TNPO1: variants seen among roughly 807,000 people sequenced by gnomAD.
TNPO1 encodes transportin-1.
A neutral mutation model predicts 119.5 loss-of-function variants in TNPO1; 8 were observed. The ratio of observed to expected loss-of-function variants is 0.07; its 90% CI spans 0.04 to 0.12. The LOEUF (loss-of-function observed/expected upper bound fraction) is 0.12, where lower values mean the gene tolerates loss of function less well. Among genes scored for constraint, TNPO1 ranks in the 10% least tolerant of loss-of-function variants. The probability of loss-of-function intolerance (pLI) is 1.00; values close to 1 mark genes in which losing one functional copy is unlikely to be tolerated. For missense variants in TNPO1, 576 were observed against 1,089.8 expected (o/e 0.53, Z 6.64); for synonymous variants, 362 against 363.0 (o/e 1.00, Z 0.03).
At chr5:72,877,094 CAAAAAAA>C (rs35883847) in intron 8 of TNPO1, 127 bp from the exon 9 acceptor site, 71 of 235,138 alleles carry the variant, frequency 3.0e-4, no homozygotes, top group South Asian at 8.3e-4. Flanking sequence ...GACTGCATCT[CAAAAAAA>C]AAAAAAAAAA....
intron 6 of TNPO1, chr5:72,871,713 T>G (rs1747419516): frequency 1.3e-5 from 2 of 152,184 alleles, no homozygotes; most frequent in South Asian, 2.1e-4. Context: ...AAGTGAGAAG[T>G]CTCTGGAATT....
At chr5:72,869,266 G>A (rs1312254772) in intron 6 of TNPO1, among the ~76,000 whole-genome samples, 1 of 152,090 alleles carries the variant, frequency 6.6e-6, no homozygotes, top group African/African-American at 2.4e-5. Flanking sequence ...ATAATAAATG[G>A]CAGGGCGTAG....
intron 10 of TNPO1, 126 bp downstream of exon 10, chr5:72,882,653 A>G (rs903388314): frequency 3.2e-6 from 2 of 629,398 alleles, no homozygotes; most frequent in Non-Finnish European, 5.5e-6. Flanking sequence ...ATTATCCATA[A>G]TAGGATAGAA....
rs982979025 is a variant in TNPO1 at position 72,832,656 on chromosome 5, T to C, written c.16-15729T>C. Among the ~76,000 whole-genome samples, 6 of 152,292 alleles carry C rather than the reference T, an allele frequency of 3.9e-5. No individual in the cohort carries two copies. The South Asian group carries it at 1.2e-3, about 32-fold the overall frequency. On this transcript the variant is annotated intron_variant, in intron 1 of 24. Transcript: ENST00000337273. ...TTGCCACTGTCCCTACATCTTCTCC[T>C]GTTGTAAAGTGTTAGTAAAATGAAT... is the stretch of plus-strand genomic sequence containing the variant.
chr5:72,840,959 A>AT (rs1744884343), intron 1 of TNPO1, among the ~76,000 whole-genome samples: 1 of 152,172 alleles, frequency 6.6e-6, no homozygotes, highest in Admixed American at 6.5e-5. Flanking sequence ...ATCGAGGATG[A>AT]TTTAAACCCC....
intron 20 of TNPO1, 67 bp from the exon 21 acceptor site, chr5:72,899,939 T>C: frequency 2.4e-6 from 3 of 1,241,856 alleles, no homozygotes; most frequent in Non-Finnish European, 3.5e-6. Context: ...TTTTTTCTCC[T>C]TCCCCCTCAT....
chr5:72,874,676 G>A (rs558864213), intron 7 of TNPO1, among the ~76,000 whole-genome samples: 85 of 152,270 alleles, frequency 5.6e-4, no homozygotes, highest in African/African-American at 2.0e-3. Context: ...ACTTCACACA[G>A]TGTCCCATTT....
chr5:72,866,684 A>G (rs1337321023), intron 6 of TNPO1, among the ~76,000 whole-genome samples: 2 of 152,178 alleles, frequency 1.3e-5, no homozygotes, highest in South Asian at 4.1e-4. Context: ...AGCCCAGAAG[A>G]AGGAGGTTGC....
intron 24 of TNPO1, among the ~76,000 whole-genome samples, chr5:72,906,330 C>T (rs1369685861): frequency 9.3e-6 from 1 of 107,768 alleles, no homozygotes; most frequent in Admixed American, 1.4e-4. Flanking sequence ...GAGACTCTTT[C>T]GCCCAGGCTG....
intron 15 of TNPO1, 21 bp downstream of exon 15, chr5:72,891,917 T>A (rs1447473741): frequency 1.3e-6 from 2 of 1,577,346 alleles, no homozygotes; most frequent in East Asian, 4.5e-5. Context: ...CTAGTAATAT[T>A]TAATCTGTTG....
Position 72,831,621 on chromosome 5 carries a change from T to C in TNPO1, c.15+14869T>C, listed in dbSNP as rs143669728. ...ATAGAATATGTAATAACTCCTGTTA[T>C]CTAAGTAAAACTTCTGTTCTCTAAT... On this transcript the variant is annotated intron_variant, in intron 1 of 24. Transcript: ENST00000337273. Among the ~76,000 whole-genome samples the C allele has an allele frequency of 6.0e-3, 914 of 152,128 alleles. 12 individuals carry two copies. The highest frequency in any genetic ancestry group is 0.021 in the African/African-American group (866 of 41,570).
Sources: allele counts gnomAD v4.1 joint callset (sites outside exome capture counted in the v4.1 genomes callset), GRCh38; gene constraint gnomAD v4.1.1; transcripts MANE v1.5; gene names NCBI Gene and HGNC (gene_info 2026-07-23, HGNC 2026-07-21).